Variants in ENOX2 observed in about 807,000 individuals in gnomAD.
The protein encoded by ENOX2 is APK1 antigen.
A neutral mutation model predicts 45.0 loss-of-function variants in ENOX2; 36 were observed. The ratio of observed to expected loss-of-function variants is 0.80; its 90% CI spans 0.61 to 1.06. The LOEUF is 1.06. Among genes scored for constraint, ENOX2 ranks in the 50% least tolerant of loss-of-function variants. The pLI, the probability that ENOX2 is intolerant of heterozygous loss-of-function variation, is 0.00. For missense variants in ENOX2, 423 were observed against 462.5 expected (o/e 0.91, Z 0.78); for synonymous variants, 174 against 152.3 (o/e 1.14, Z -1.05).
rs757984932 is a variant in ENOX2 at position 130,667,669 on chromosome X, G to A, written c.768C>T (p.Ser256=). 6 of 1,209,046 alleles carry A rather than the reference G, an allele frequency of 5.0e-6. No homozygotes were observed. Among genetic ancestry groups the A allele is most frequent in the Admixed American group, 4.4e-5 (2 of 45,772 alleles). ...GGATCATGGAGTAGAAGTTATTGGC[G>A]CTACGACGGTTGACCTCTCCTCGCT... ...WIERGEVNRR[S]ANNFYSMIQS... The change falls in exon 8 of 15, where the codon AGC becomes AGT. Residue 256 remains serine, a synonymous_variant. Transcript: ENST00000394363.
rs1365950882 is a variant in ENOX2 at position 130,654,040 on chromosome X, A to G, written c.1129+2541T>C. On this transcript the variant is annotated intron_variant, in intron 10 of 14. Coordinates refer to ENST00000394363, the MANE Select transcript of ENOX2 (RefSeq NM_006375.4). ...AAGGTAACCCAAATGATTCTTCAGT[A>G]TACCAAGTCTGAGAACCACTAGTCT... 2.7e-5 allele frequency among the ~76,000 whole-genome samples: 3 copies of G among 112,304 alleles called. 1 individual carries two copies. In the Admixed American group the frequency reaches 2.8e-4, roughly 11 times the overall value.
chrX:130,817,440 C>A (rs937486919), intron 2 of ENOX2, among the ~76,000 whole-genome samples: 3 of 111,843 alleles, frequency 2.7e-5, no homozygotes, highest in African/African-American at 9.8e-5. Context: ...CATCCTGATA[C>A]CAAAACCTGG....
chrX:130,802,764 A>G (rs149219687), intron 2 of ENOX2, among the ~76,000 whole-genome samples: 74 of 111,954 alleles, frequency 6.6e-4, no homozygotes, highest in African/African-American at 2.3e-3. Flanking sequence ...AGTTTGTACT[A>G]TTGCCTAGTT....
chrX:130,729,730 G>A (rs748784938), intron 3 of ENOX2, among the ~76,000 whole-genome samples: 9 of 112,482 alleles, frequency 8.0e-5, no homozygotes, highest in East Asian at 2.8e-4. Context: ...TACTAAAAGC[G>A]TCACAGCTAA....
intron 2 of ENOX2, among the ~76,000 whole-genome samples, chrX:130,880,348 T>C (rs2078788736): frequency 9.0e-6 from 1 of 111,487 alleles, no homozygotes; most frequent in African/African-American, 3.3e-5. Flanking sequence ...CCATGTATTT[T>C]TTTTTCCCAG....
chrX:130,711,188 C>T (rs1026340149), intron 3 of ENOX2, among the ~76,000 whole-genome samples: 4 of 111,640 alleles, frequency 3.6e-5, no homozygotes, highest in Non-Finnish European at 7.5e-5. Context: ...GCCTGGGGCT[C>T]AAGGCTTTAT....
intron 3 of ENOX2, among the ~76,000 whole-genome samples, chrX:130,704,131 T>C (rs183753977): frequency 8.9e-6 from 1 of 112,108 alleles, no homozygotes; most frequent in East Asian, 2.8e-4. Flanking sequence ...AATGTATAAT[T>C]TTTAGCCACT....
intron 2 of ENOX2, among the ~76,000 whole-genome samples, chrX:130,880,416 T>C (rs2078789731): frequency 8.9e-6 from 1 of 111,741 alleles, no homozygotes; most frequent in African/African-American, 3.3e-5. Flanking sequence ...ACTAATATAC[T>C]TGATGAACTC....
intron 3 of ENOX2, among the ~76,000 whole-genome samples, chrX:130,730,560 T>C (rs976925076): frequency 4.4e-5 from 5 of 112,491 alleles, no homozygotes; most frequent in Admixed American, 9.4e-5. Context: ...TCAATCAATT[T>C]AGAAAGATCC....
At chrX:130,881,260 C>G (rs766764420) in intron 2 of ENOX2, among the ~76,000 whole-genome samples, 4 of 112,625 alleles carry the variant, frequency 3.6e-5, no homozygotes, top group African/African-American at 1.3e-4. Flanking sequence ...TTCCATCAGG[C>G]AGCACTGGGT....
chrX:130,880,325 G>A (rs769793626), intron 2 of ENOX2, among the ~76,000 whole-genome samples: 50 of 111,419 alleles, frequency 4.5e-4, no homozygotes, highest in Admixed American at 2.1e-3. Context: ...AATAGTCAAG[G>A]ACATTACTCT....
chrX:130,683,746 T>A (rs1234196575), intron 5 of ENOX2, among the ~76,000 whole-genome samples: 1 of 108,473 alleles, frequency 9.2e-6, no homozygotes, highest in African/African-American at 3.4e-5. Flanking sequence ...AAATCTCTGA[T>A]AGACACTCTG....
chrX:130,815,895 C>G lies in ENOX2; in HGVS notation c.-182-32205G>C, dbSNP rs189247191. 7.3e-4 allele frequency among the ~76,000 whole-genome samples: 81 copies of G among 111,472 alleles called. 2 individuals are homozygous for G. Among genetic ancestry groups the G allele is most frequent in the African/African-American group, 2.5e-3 (77 of 30,644 alleles). The stretch of plus-strand genomic sequence containing the variant: ...ATGACAGGATCAAATTCACACATAA[C>G]AATATTAACCTTAAATATAAATGGG... On this transcript the variant is annotated intron_variant, in intron 2 of 14. Transcript: ENST00000394363.
In ENOX2 at chrX:130,787,280, C is replaced by T. The variant is rs76925154; in HGVS notation, c.-182-3590G>A. On this transcript the variant is annotated intron_variant, in intron 2 of 14. Coordinates refer to ENST00000394363, the MANE Select transcript of ENOX2 (RefSeq NM_006375.4). ...ATTAAGTAGATGACTGAGGATTTTC[C>T]GGAGGTTTGGAGCCACAATTTGCAA... is the stretch of plus-strand genomic sequence containing the variant. 3.9e-3 allele frequency among the ~76,000 whole-genome samples: 438 copies of T among 111,709 alleles called. 3 individuals are homozygous for T. The highest frequency in any genetic ancestry group is 0.014 in the African/African-American group (420 of 30,778).
chrX:130,873,502 T>C (rs1390483613), intron 2 of ENOX2, among the ~76,000 whole-genome samples: 1 of 111,711 alleles, frequency 9.0e-6, no homozygotes, highest in Admixed American at 9.4e-5. Flanking sequence ...CTCAAGGATC[T>C]AGAACTAGAA....
intron 12 of ENOX2, among the ~76,000 whole-genome samples, chrX:130,634,161 G>C (rs2035864132): frequency 8.9e-6 from 1 of 112,084 alleles, no homozygotes; most frequent in Non-Finnish European, 1.9e-5. Flanking sequence ...ATATGCTCTT[G>C]AGGAACTGTA....
At chrX:130,672,520 G>A (rs748948316) in intron 6 of ENOX2, among the ~76,000 whole-genome samples, 2 of 112,668 alleles carry the variant, frequency 1.8e-5, no homozygotes, top group South Asian at 3.7e-4. Context: ...CCAAGCAGCC[G>A]GCACCCCCAC....
At chrX:130,784,493 C>T (rs766611870) in intron 2 of ENOX2, among the ~76,000 whole-genome samples, 2 of 110,849 alleles carry the variant, frequency 1.8e-5, no homozygotes, top group Admixed American at 9.6e-5. Flanking sequence ...TTTTTAAAGC[C>T]CAAAGTTAAG....
intron 2 of ENOX2, among the ~76,000 whole-genome samples, chrX:130,846,556 C>G (rs1239422790): frequency 9.0e-6 from 1 of 111,637 alleles, no homozygotes; most frequent in East Asian, 2.8e-4. Context: ...AGGCTGGTCT[C>G]GAACTCCTGA....
Sources: gnomAD v4.1 joint callset for allele counts (sites outside exome capture counted in the v4.1 genomes callset) on GRCh38, gnomAD v4.1.1 for gene constraint, MANE v1.5 for transcripts, NCBI Gene and HGNC (gene_info 2026-07-23, HGNC 2026-07-21) for gene names.